Variants in HIPK2 observed in about 807,000 individuals in gnomAD.
The protein encoded by HIPK2 is homeodomain interacting protein kinase 2.
In HIPK2, 27 loss-of-function variants were observed where a neutral mutation model predicts 113.7. That is an observed-to-expected ratio of 0.24 (90% confidence interval 0.17 to 0.33). HIPK2 has a LOEUF of 0.33. Among genes scored for constraint, HIPK2 ranks in the 10% least tolerant of loss-of-function variants. HIPK2 has a pLI of 1.00. For missense variants in HIPK2, 1,257 were observed against 1,588.0 expected (o/e 0.79, Z 3.54); for synonymous variants, 631 against 642.2 (o/e 0.98, Z 0.26).
intron 1 of HIPK2, among the ~76,000 whole-genome samples, chr7:139,747,971 G>C (rs1796216397): frequency 6.6e-6 from 1 of 152,206 alleles, no homozygotes; most frequent in South Asian, 2.1e-4. Context: ...ACATCAGTAC[G>C]GAAAGCTCTA....
At position 139,610,795 on chromosome 7, in the gene HIPK2, C is replaced by T. The variant is rs1255014513; in HGVS notation, c.2112+2407G>A. Among the ~76,000 whole-genome samples the T allele has an allele frequency of 2.0e-5, 3 of 152,178 alleles. No individual in the cohort carries two copies. The East Asian group carries it at 5.8e-4, about 29-fold the overall frequency. Reference sequence around the variant, plus strand: ...CCATGGATCCACAGGTTAAAGGTCACATAACCTGAGCATGCCCAGATGAAC... The same window carrying T: ...CCATGGATCCACAGGTTAAAGGTCATATAACCTGAGCATGCCCAGATGAAC... On this transcript the variant is annotated intron_variant, in intron 9 of 14. Transcript: ENST00000406875.
At chr7:139,703,807 CCA>C (rs1231560589) in intron 2 of HIPK2, among the ~76,000 whole-genome samples, 1 of 141,208 alleles carries the variant, frequency 7.1e-6, no homozygotes, top group South Asian at 2.4e-4. Context: ...ACCCCACACC[CCA>C]CACACTACAC....
intron 1 of HIPK2, among the ~76,000 whole-genome samples, chr7:139,738,317 G>T (rs1178287631): frequency 6.6e-6 from 1 of 152,262 alleles, no homozygotes; most frequent in Non-Finnish European, 1.5e-5. Flanking sequence ...AAGCATCGGG[G>T]GTAACGCGGA....
chr7:139,664,504 T>C (rs1801977599), intron 2 of HIPK2, among the ~76,000 whole-genome samples: 1 of 151,996 alleles, frequency 6.6e-6, no homozygotes, highest in Admixed American at 6.6e-5. Flanking sequence ...GCCATTGCAC[T>C]CCAGCCGGGG....
intron 13 of HIPK2, among the ~76,000 whole-genome samples, chr7:139,578,895 C>T (rs1199460818): frequency 6.6e-6 from 1 of 152,114 alleles, no homozygotes; most frequent in Non-Finnish European, 1.5e-5. Context: ...TGGTCTCGAA[C>T]TCCTGATCTC....
intron 14 of HIPK2, among the ~76,000 whole-genome samples, chr7:139,574,623 A>G (rs1798427146): frequency 6.6e-6 from 1 of 152,170 alleles, no homozygotes; most frequent in African/African-American, 2.4e-5. Flanking sequence ...CTTGACACAG[A>G]CAGCCCTGCA....
At chr7:139,633,801 C>T (rs1800706361) in intron 2 of HIPK2, among the ~76,000 whole-genome samples, 1 of 151,974 alleles carries the variant, frequency 6.6e-6, no homozygotes, top group Non-Finnish European at 1.5e-5. Context: ...AAAAATTAGC[C>T]AGGCGTGGTG....
At position 139,588,262 on chromosome 7, in the gene HIPK2, G is replaced by A. The variant is rs529308027; in HGVS notation, c.2718-4198C>T. 8.8e-4 allele frequency among the ~76,000 whole-genome samples: 133 copies of A among 151,890 alleles called. 1 individual carries two copies. The highest frequency in any genetic ancestry group is 6.8e-3 in the Middle Eastern group (2 of 294). On this transcript the variant is annotated intron_variant, in intron 12 of 14. Coordinates refer to ENST00000406875, the MANE Select transcript of HIPK2 (RefSeq NM_022740.5). ...GAACCCGGGAGGTGGAGGTTACAGT[G>A]AGCAGAGATCACACCACCACACTCT...
chr7:139,717,403 C>T (rs1206453868), intron 1 of HIPK2, among the ~76,000 whole-genome samples: 1 of 152,150 alleles, frequency 6.6e-6, no homozygotes. Flanking sequence ...TACTTCGTTG[C>T]CCACATCATC....
chr7:139,600,293 G>T, intron 11 of HIPK2, 124 bp downstream of exon 11: 1 of 1,117,670 alleles, frequency 8.9e-7, no homozygotes, highest in Non-Finnish European at 1.3e-6. Flanking sequence ...GCAGGAAGAG[G>T]AGTGCCCCCA....
rs1475009131 is a variant in HIPK2 at position 139,569,452 on chromosome 7, T to C, written c.*3475A>G. 1 of 152,148 alleles carries C rather than the reference T, an allele frequency of 6.6e-6. No homozygotes were observed. Among genetic ancestry groups the C allele is most frequent in the African/African-American group, 2.4e-5 (1 of 41,414 alleles). The allele number at this position is 152,148 out of a possible 1,614,324, so 9.4% of individuals were successfully genotyped here. A position where few individuals can be genotyped will look rare whatever the true frequency, so the allele number is the denominator to read the frequency against. Reference sequence around the variant, plus strand: ...TACCAGAGGCAAGCCAAAGATTTAGTTAACAGATTTCAGAAGCACAGGAGA... The same window carrying C: ...TACCAGAGGCAAGCCAAAGATTTAGCTAACAGATTTCAGAAGCACAGGAGA... On this transcript the variant is annotated 3_prime_UTR_variant, in exon 15 of 15. Coordinates refer to ENST00000406875, the MANE Select transcript of HIPK2 (RefSeq NM_022740.5).
intron 6 of HIPK2, among the ~76,000 whole-genome samples, chr7:139,625,908 TTCTGGGAGCAA>T (rs1458970328): frequency 6.6e-6 from 1 of 152,046 alleles, no homozygotes; most frequent in Non-Finnish European, 1.5e-5. Flanking sequence ...TCTGGGAAGG[TTCTGGGAGCAA>T]TCTTTGGCCC....
chr7:139,645,349 C>G (rs2116413509), intron 2 of HIPK2, among the ~76,000 whole-genome samples: 1 of 152,250 alleles, frequency 6.6e-6, no homozygotes, highest in East Asian at 1.9e-4. Context: ...CGGAGACATA[C>G]CAATTAAGAG....
intron 2 of HIPK2, among the ~76,000 whole-genome samples, chr7:139,688,424 G>C (rs752997056): frequency 3.9e-5 from 6 of 152,226 alleles, no homozygotes; most frequent in Non-Finnish European, 7.3e-5. Context: ...AAGACAGCTA[G>C]AGACTGGAAG....
chr7:139,747,882 G>A (rs989871121), intron 1 of HIPK2, among the ~76,000 whole-genome samples: 11 of 152,146 alleles, frequency 7.2e-5, no homozygotes, highest in African/African-American at 2.4e-4. Context: ...TGAGTTCCTC[G>A]GCCCCACTGG....
chr7:139,672,648 TG>T (rs1471183530), intron 2 of HIPK2, among the ~76,000 whole-genome samples: 5 of 152,090 alleles, frequency 3.3e-5, no homozygotes, highest in Admixed American at 3.3e-4. Flanking sequence ...TCAGTAGTGA[TG>T]GGGTTTCGCC....
chr7:139,592,966 G>T (rs1242101954), intron 12 of HIPK2, among the ~76,000 whole-genome samples: 1 of 152,136 alleles, frequency 6.6e-6, no homozygotes, highest in African/African-American at 2.4e-5. Flanking sequence ...GCCCTTCTCA[G>T]TGCCATGGCT....
At chr7:139,676,601 T>C (rs1264655098) in intron 2 of HIPK2, among the ~76,000 whole-genome samples, 1 of 152,136 alleles carries the variant, frequency 6.6e-6, no homozygotes, top group Non-Finnish European at 1.5e-5. Context: ...AACAGATCTG[T>C]TTATTTGGTT....
intron 2 of HIPK2, among the ~76,000 whole-genome samples, chr7:139,647,119 GTT>G (rs3047860): frequency 0.091 from 13,004 of 142,432 alleles, 567 homozygotes; most frequent in Middle Eastern, 0.13. Flanking sequence ...TGCACTGATA[GTT>G]TTTTTTTTTT....
Sources: allele counts gnomAD v4.1 joint callset (sites outside exome capture counted in the v4.1 genomes callset), GRCh38; gene constraint gnomAD v4.1.1; transcripts MANE v1.5; gene names NCBI Gene and HGNC (gene_info 2026-07-23, HGNC 2026-07-21).